IPO9: variants seen among roughly 807,000 people sequenced by gnomAD.
The protein encoded by IPO9 is importin 9, also known as importin-9.
Under a neutral mutation model 128.6 loss-of-function variants are expected in IPO9, and 28 were observed. That is an observed-to-expected ratio of 0.22 (90% CI 0.16 to 0.30). IPO9 has a LOEUF of 0.30. Ranked by LOEUF, IPO9 falls within the 10% of genes least tolerant of loss-of-function variation. The pLI is 1.00. For synonymous variants in IPO9, 455 were observed against 475.8 expected (o/e 0.96, Z 0.57); for missense variants, 935 against 1,293.9 (o/e 0.72, Z 4.26).
At chr1:201,845,204 C>A (rs571262761) in intron 1 of IPO9, among the ~76,000 whole-genome samples, 1 of 152,092 alleles carries the variant, frequency 6.6e-6, no homozygotes, top group African/African-American at 2.4e-5. Context: ...TTAGTAGAGA[C>A]GGGATTTCTC....
At chr1:201,869,325 A>G (rs1680609121) in intron 16 of IPO9, among the ~76,000 whole-genome samples, 1 of 152,214 alleles carries the variant, frequency 6.6e-6, no homozygotes, top group Admixed American at 6.5e-5. Context: ...TGCCACCTTT[A>G]CACAGTGCCA....
intron 23 of IPO9, 31 bp downstream of exon 23, chr1:201,875,259 A>G (rs775479805): frequency 1.3e-6 from 2 of 1,573,570 alleles, no homozygotes; most frequent in South Asian, 2.2e-5. Flanking sequence ...CTTGCAAATG[A>G]CAATGTCCCA....
intron 4 of IPO9, chr1:201,850,374 C>A (rs1472606389): frequency 6.6e-6 from 1 of 152,136 alleles, no homozygotes; most frequent in Admixed American, 6.6e-5. Context: ...GGGACTGATT[C>A]TTTTCAGAGT....
intron 1 of IPO9, among the ~76,000 whole-genome samples, chr1:201,836,709 C>G (rs903206516): frequency 2.0e-5 from 3 of 152,160 alleles, no homozygotes; most frequent in Admixed American, 6.5e-5. Context: ...GTGGTCTAGA[C>G]AGAATAAATT....
intron 13 of IPO9, among the ~76,000 whole-genome samples, chr1:201,860,662 A>G (rs1232813482): frequency 6.6e-6 from 1 of 152,258 alleles, no homozygotes; most frequent in Non-Finnish European, 1.5e-5. Flanking sequence ...CCTTTTCTAC[A>G]CCAACCATTC....
chr1:201,872,722 G>A, intron 19 of IPO9, 106 bp from the exon 20 acceptor site: 2 of 1,312,954 alleles, frequency 1.5e-6, no homozygotes, highest in Non-Finnish European at 2.1e-6. Context: ...GTTGTTAACG[G>A]AATTTTCACT....
rs1680825807 is a variant in IPO9 at position 201,878,670 on chromosome 1, T to C, written c.*2616T>C. On this transcript the variant is annotated 3_prime_UTR_variant, in exon 24 of 24. Transcript: ENST00000361565. Reference sequence around the variant, plus strand: ...GACCCCTCGATGTGCAGGTACTTAATTGTGTTTCCAGTGCATTTTCATATA... The same window carrying C: ...GACCCCTCGATGTGCAGGTACTTAACTGTGTTTCCAGTGCATTTTCATATA... The C allele has an allele frequency of 6.6e-6, 1 of 152,318 alleles. No individual in the cohort carries two copies. Among genetic ancestry groups the C allele is most frequent in the South Asian group, 2.1e-4 (1 of 4,828 alleles). 9.4% of individuals were successfully genotyped at this position (152,318 alleles called of 1,614,324 possible). A position where few individuals can be genotyped will look rare whatever the true frequency, so the allele number is the denominator to read the frequency against.
intron 19 of IPO9, 21 bp downstream of exon 19, chr1:201,871,348 T>G: frequency 7.0e-7 from 1 of 1,422,346 alleles, no homozygotes. Flanking sequence ...ATCTTTCTTT[T>G]CTGGGCATTC....
chr1:201,849,817 C>G (rs1680185579), intron 4 of IPO9, among the ~76,000 whole-genome samples: 3 of 152,196 alleles, frequency 2.0e-5, no homozygotes, highest in Admixed American at 2.0e-4. Context: ...CCAAAAAGAT[C>G]AGAATGTTCC....
At chr1:201,872,805 T>C in intron 19 of IPO9, 23 bp from the exon 20 acceptor site, 1 of 1,590,666 alleles carries the variant, frequency 6.3e-7, no homozygotes, top group Non-Finnish European at 8.6e-7. Context: ...CTGATTGACC[T>C]TTTTTTGGAT....
chr1:201,849,101 T>C (rs1558218406), intron 4 of IPO9, among the ~76,000 whole-genome samples: 2 of 152,248 alleles, frequency 1.3e-5, no homozygotes, highest in Non-Finnish European at 2.9e-5. Context: ...AATGGATTTT[T>C]ATAGAAGTAT....
intron 14 of IPO9, among the ~76,000 whole-genome samples, chr1:201,865,457 C>T (rs1304886572): frequency 1.3e-5 from 2 of 152,112 alleles, no homozygotes; most frequent in Non-Finnish European, 2.9e-5. Flanking sequence ...ATCCGCTCGC[C>T]CCCACCTCCC....
chr1:201,858,637 T>A, intron 12 of IPO9, 84 bp downstream of exon 12: 1 of 925,904 alleles, frequency 1.1e-6, no homozygotes, highest in Non-Finnish European at 1.6e-6. Context: ...ATTTTTATCT[T>A]AATTTGAAAA....
intron 1 of IPO9, among the ~76,000 whole-genome samples, chr1:201,832,752 A>G (rs534640778): frequency 6.6e-5 from 10 of 152,310 alleles, no homozygotes; most frequent in African/African-American, 2.4e-4. Flanking sequence ...TCCATCACAT[A>G]GGAGACTGAT....
intron 16 of IPO9, 119 bp downstream of exon 16, chr1:201,868,915 G>A (rs893945249): frequency 6.6e-6 from 9 of 1,360,186 alleles, no homozygotes; most frequent in Non-Finnish European, 8.7e-6. Context: ...ATTTTGCTGA[G>A]CTCTTTTGCC....
intron 16 of IPO9, 45 bp from the exon 17 acceptor site, chr1:201,869,545 C>T (rs1680611783): frequency 1.9e-6 from 3 of 1,605,654 alleles, no homozygotes; most frequent in South Asian, 1.1e-5. Context: ...GGGCAACCCC[C>T]ACCCCAGAGG....
chr1:201,861,535 A>T (rs1222514712), intron 13 of IPO9, among the ~76,000 whole-genome samples: 1 of 152,196 alleles, frequency 6.6e-6, no homozygotes, highest in Non-Finnish European at 1.5e-5. Flanking sequence ...CTAAGCTGTG[A>T]TGTTCAGTAT....
At chr1:201,838,075 G>GA (rs1253335951) in intron 1 of IPO9, among the ~76,000 whole-genome samples, 11 of 150,186 alleles carry the variant, frequency 7.3e-5, no homozygotes, top group East Asian at 1.9e-4. Flanking sequence ...TGTCTCAAAA[G>GA]AAAAAAAAAG....
chr1:201,830,996 T>G (rs1679822751), intron 1 of IPO9, among the ~76,000 whole-genome samples: 1 of 152,194 alleles, frequency 6.6e-6, no homozygotes, highest in East Asian at 1.9e-4. Flanking sequence ...CTCTGATTCC[T>G]CACTTTATTC....
Sources: allele counts gnomAD v4.1 joint callset (sites outside exome capture counted in the v4.1 genomes callset), GRCh38; gene constraint gnomAD v4.1.1; transcripts MANE v1.5; gene names NCBI Gene and HGNC (gene_info 2026-07-23, HGNC 2026-07-21).